MTHFD2L: variants seen among roughly 807,000 people sequenced by gnomAD.
The protein encoded by MTHFD2L is bifunctional methylenetetrahydrofolate dehydrogenase/cyclohydrolase 2, mitochondrial.
In MTHFD2L, 29 loss-of-function variants were observed where a neutral mutation model predicts 34.9. The observed-to-expected ratio is 0.83, with a 90% CI of 0.62 to 1.13. The LOEUF (loss-of-function observed/expected upper bound fraction) is 1.13. MTHFD2L is among the 50% of genes most tolerant of loss of function. MTHFD2L has a pLI of 0.00. For synonymous variants in MTHFD2L, 167 were observed against 155.7 expected, an observed-to-expected ratio of 1.07 and a Z score of -0.54; for missense variants, 481 against 446.5, an observed-to-expected ratio of 1.08 and a Z score of -0.70.
chr4:74,248,741 CAGT>C (rs1411545652), intron 6 of MTHFD2L, among the ~76,000 whole-genome samples: 1 of 141,002 alleles, frequency 7.1e-6, no homozygotes, highest in African/African-American at 2.6e-5. Context: ...GTTATGTACC[CAGT>C]AGTCATTCAG....
intron 6 of MTHFD2L, among the ~76,000 whole-genome samples, chr4:74,229,840 CAGAG>C (rs1739737382): frequency 6.6e-6 from 1 of 152,272 alleles, no homozygotes; most frequent in African/African-American, 2.4e-5. Context: ...TCTGAGTTCA[CAGAG>C]AGAGTTAACA....
intron 6 of MTHFD2L, among the ~76,000 whole-genome samples, chr4:74,230,274 G>A (rs1739810278): frequency 6.6e-6 from 1 of 152,118 alleles, no homozygotes; most frequent in African/African-American, 2.4e-5. Flanking sequence ...TGATTTAGGT[G>A]TAAATGTTAA....
At chr4:74,185,034 C>T (rs1178127793) in intron 3 of MTHFD2L, among the ~76,000 whole-genome samples, 2 of 151,566 alleles carry the variant, frequency 1.3e-5, no homozygotes, top group African/African-American at 4.9e-5. Context: ...TGCCTGTAGG[C>T]CCAGCTACTC....
intron 6 of MTHFD2L, among the ~76,000 whole-genome samples, chr4:74,249,479 A>C (rs905490376): frequency 1.3e-5 from 2 of 152,102 alleles, no homozygotes; most frequent in African/African-American, 4.8e-5. Context: ...TAGTCCATTT[A>C]CATTTAAAGT....
intron 3 of MTHFD2L, among the ~76,000 whole-genome samples, chr4:74,188,810 A>G (rs903313079): frequency 6.7e-6 from 1 of 149,860 alleles, no homozygotes; most frequent in African/African-American, 2.5e-5. Context: ...ATATGTGTAT[A>G]CATATGTATA....
chr4:74,237,403 C>G (rs955593873), intron 6 of MTHFD2L, among the ~76,000 whole-genome samples: 1 of 152,184 alleles, frequency 6.6e-6, no homozygotes, highest in African/African-American at 2.4e-5. Flanking sequence ...AATCCCAACA[C>G]TTTGGGAGGC....
chr4:74,262,019 TAATTAA>T (rs1284056036), intron 6 of MTHFD2L, among the ~76,000 whole-genome samples: 3 of 149,868 alleles, frequency 2.0e-5, no homozygotes, highest in African/African-American at 7.5e-5. Flanking sequence ...AAAGAACTGG[TAATTAA>T]AATTAAAGCA....
At chr4:74,292,420 A>G (rs1417089131) in intron 7 of MTHFD2L, among the ~76,000 whole-genome samples, 1 of 152,148 alleles carries the variant, frequency 6.6e-6, no homozygotes, top group East Asian at 1.9e-4. Flanking sequence ...ATTAAAACAC[A>G]AATACCTATG....
intron 1 of MTHFD2L, among the ~76,000 whole-genome samples, chr4:74,170,612 A>G (rs1029767004): frequency 6.6e-6 from 1 of 152,128 alleles, no homozygotes; most frequent in Non-Finnish European, 1.5e-5. Context: ...AAAATTAAGA[A>G]CTGTTCTAAA....
At chr4:74,122,832 A>T (rs1229112133), upstream of MTHFD2L, among the ~76,000 whole-genome samples, 1 of 152,214 alleles carries the variant, frequency 6.6e-6, no homozygotes, top group Non-Finnish European at 1.5e-5. Flanking sequence ...TAGATTAGGT[A>T]TTAGCATTAC....
chr4:74,164,952 A>G (rs893196488), intron 1 of MTHFD2L: 18 of 985,046 alleles, frequency 1.8e-5, no homozygotes, highest in Non-Finnish European at 1.8e-5. Context: ...AAACCACCTG[A>G]GCAAGTAATG....
chr4:74,170,879 CAA>C (rs751501754), intron 1 of MTHFD2L, among the ~76,000 whole-genome samples: 1 of 145,474 alleles, frequency 6.9e-6, no homozygotes, highest in Non-Finnish European at 1.5e-5. Flanking sequence ...ATCGCAAGGA[CAA>C]AAAACCAAAC....
chr4:74,164,852 T>G (rs539809417), intron 1 of MTHFD2L: 31 of 434,534 alleles, frequency 7.1e-5, no homozygotes, highest in Non-Finnish European at 8.6e-5. Flanking sequence ...TGAAGCCACA[T>G]TTCGTGGCTA....
chr4:74,265,261 G>A (rs978130559), intron 6 of MTHFD2L, among the ~76,000 whole-genome samples: 1 of 152,152 alleles, frequency 6.6e-6, no homozygotes, highest in Non-Finnish European at 1.5e-5. Flanking sequence ...GTGTCTGCAA[G>A]TCTGCCAGGG....
At chr4:74,242,604 C>G (rs1423007979) in intron 6 of MTHFD2L, among the ~76,000 whole-genome samples, 1 of 152,104 alleles carries the variant, frequency 6.6e-6, no homozygotes, top group Non-Finnish European at 1.5e-5. Flanking sequence ...GATTGGAAAC[C>G]AAGTCTGTCT....
intron 7 of MTHFD2L, among the ~76,000 whole-genome samples, chr4:74,283,334 G>T (rs920918180): frequency 2.0e-5 from 3 of 152,070 alleles, no homozygotes; most frequent in Non-Finnish European, 4.4e-5. Context: ...TTTTACATGA[G>T]CATTTTTGGT....
chr4:74,143,563 T>C (rs1723409043), intron 1 of MTHFD2L: 1 of 374,164 alleles, frequency 2.7e-6, no homozygotes, highest in Non-Finnish European at 3.7e-6. Context: ...CAGCTCCATT[T>C]TCTATTTTCC....
At chr4:74,244,260 G>A (rs1314225983) in intron 6 of MTHFD2L, among the ~76,000 whole-genome samples, 1 of 152,190 alleles carries the variant, frequency 6.6e-6, no homozygotes, top group African/African-American at 2.4e-5. Context: ...AGATCAGAAA[G>A]ATAGATGAGT....
At chr4:74,145,785 T>C (rs1334782409) in intron 1 of MTHFD2L, among the ~76,000 whole-genome samples, 1 of 152,146 alleles carries the variant, frequency 6.6e-6, no homozygotes, top group Non-Finnish European at 1.5e-5. Context: ...TAGTACAGTA[T>C]AGTGAGTTCT....
Sources: allele counts gnomAD v4.1 joint callset (sites outside exome capture counted in the v4.1 genomes callset), GRCh38; gene constraint gnomAD v4.1.1; transcripts MANE v1.5; gene names NCBI Gene and HGNC (gene_info 2026-07-23, HGNC 2026-07-21).